Variants in PPP2R5A observed in about 807,000 individuals in gnomAD.
PPP2R5A encodes protein phosphatase 2 regulatory subunit B'alpha, also known as serine/threonine-protein phosphatase 2A 56 kDa regulatory subunit alpha isoform.
A neutral mutation model predicts 64.2 loss-of-function variants in PPP2R5A; 25 were observed. The observed-to-expected ratio is 0.39, with a 90% CI of 0.28 to 0.54. The LOEUF (loss-of-function observed/expected upper bound fraction) is 0.54. Among genes scored for constraint, PPP2R5A ranks in the 20% least tolerant of loss-of-function variants. The probability of loss-of-function intolerance (pLI) is 0.67; values close to 1 mark genes in which losing one functional copy is unlikely to be tolerated. For synonymous variants in PPP2R5A, 198 were observed against 201.2 expected, an observed-to-expected ratio of 0.98 and a Z score of 0.13; for missense variants, 425 against 576.3, an observed-to-expected ratio of 0.74 and a Z score of 2.69.
rs553465566 is a variant in PPP2R5A at position 212,335,993 on chromosome 1, C to T, written c.480+2395C>T. Among the ~76,000 whole-genome samples the T allele has an allele frequency of 5.9e-5, 9 of 152,260 alleles. No homozygotes were observed. The South Asian group carries it at 6.2e-4, about 11-fold the overall frequency. On this transcript the variant is annotated intron_variant, in intron 3 of 12. Transcript: ENST00000261461. ...AACAGTGGAAATTGAGCCAAGTAGA[C>T]AATATGCTTTCCATTTTTAACTGGT...
At chr1:212,338,618 C>T (rs951649649) in intron 3 of PPP2R5A, among the ~76,000 whole-genome samples, 1 of 152,042 alleles carries the variant, frequency 6.6e-6, no homozygotes, top group Non-Finnish European at 1.5e-5. Flanking sequence ...GAAACCCCGT[C>T]TCTACTAAGA....
intron 1 of PPP2R5A, chr1:212,302,203 C>A: frequency 2.0e-6 from 2 of 1,017,940 alleles, no homozygotes; most frequent in Non-Finnish European, 1.4e-6. Flanking sequence ...ACAAGCAAAA[C>A]CACATTACAG....
intron 1 of PPP2R5A, among the ~76,000 whole-genome samples, chr1:212,306,204 T>G (rs1292438972): frequency 6.6e-6 from 1 of 151,954 alleles, no homozygotes; most frequent in African/African-American, 2.4e-5. Context: ...GTGGAGAGAA[T>G]AGGGGAAGGG....
At chr1:212,352,640 T>G (rs1659907548) in intron 8 of PPP2R5A, among the ~76,000 whole-genome samples, 1 of 151,132 alleles carries the variant, frequency 6.6e-6, no homozygotes, top group South Asian at 2.1e-4. Flanking sequence ...TTGGTAAAGA[T>G]GAGATGGGGT....
intron 5 of PPP2R5A, 34 bp downstream of exon 5, chr1:212,345,967 TC>T (rs1355164142): frequency 6.5e-7 from 1 of 1,530,478 alleles, no homozygotes; most frequent in Non-Finnish European, 8.9e-7. Context: ...TTGCACCTTT[TC>T]CTCCTACATA....
chr1:212,329,273 A>T lies in PPP2R5A; in HGVS notation c.320A>T (p.Tyr107Phe), dbSNP rs757843672. 1 of 1,611,284 alleles carries T rather than the reference A, an allele frequency of 6.2e-7. No homozygotes were observed. The highest frequency in any genetic ancestry group is 1.1e-5 in the South Asian group (1 of 90,000). Residue 107 changes from tyrosine (Y) to phenylalanine (F), a missense_variant, in exon 2 of 13, where the codon TAT (tyrosine) becomes TTT (phenylalanine). By Grantham distance (22) the Tyr-to-Phe change is conservative. Coordinates refer to ENST00000261461, the MANE Select transcript of PPP2R5A (RefSeq NM_006243.4). ...GCAACACTGAATGAACTGGTTGAGT[A>T]TGTTTCAACTAATCGTGGTGTAATT... ...KRATLNELVE[Y>F]VSTNRGVIVE...
chr1:212,330,425 T>G (rs1659482855), intron 2 of PPP2R5A, among the ~76,000 whole-genome samples: 1 of 151,586 alleles, frequency 6.6e-6, no homozygotes, highest in Non-Finnish European at 1.5e-5. Context: ...GAGCCTTTAG[T>G]AAAGGCCCAG....
At position 212,356,704 on chromosome 1, in the gene PPP2R5A, A is replaced by G. The variant is rs769263197; in HGVS notation, c.978+28A>G. 4 of 1,602,804 alleles carry G rather than the reference A, an allele frequency of 2.5e-6. No individual in the cohort carries two copies. In the East Asian group the frequency reaches 8.9e-5, roughly 36 times the overall value. ...GGGTTTTGTTCACTAAATGTAGTGC[A>G]TTTTACTAGAACTTGTCAATCCCAG... On this transcript the variant is annotated intron_variant, in intron 9 of 12. Coordinates refer to ENST00000261461, the MANE Select transcript of PPP2R5A (RefSeq NM_006243.4).
chr1:212,342,590 C>T (rs547028710), intron 4 of PPP2R5A, among the ~76,000 whole-genome samples: 4 of 152,268 alleles, frequency 2.6e-5, no homozygotes, highest in African/African-American at 9.6e-5. Context: ...ACCATTCAAT[C>T]CATGGGCAAA....
intron 1 of PPP2R5A, among the ~76,000 whole-genome samples, chr1:212,308,609 A>C (rs1429947527): frequency 6.6e-6 from 1 of 151,982 alleles, no homozygotes; most frequent in Non-Finnish European, 1.5e-5. Context: ...GAGTTTTGCT[A>C]TGCTGGCTAG....
chr1:212,357,921 C>CCTCCTGCCTCAGCCTCCT (rs1660011792), intron 11 of PPP2R5A: 1 of 152,088 alleles, frequency 6.6e-6, no homozygotes, highest in African/African-American at 2.4e-5. Context: ...CTCAGCCTCC[C>CCTCCTGCCTCAGCCTCCT]GAGTAGCTAC....
chr1:212,349,850 T>G (rs570154744), intron 8 of PPP2R5A, among the ~76,000 whole-genome samples: 3 of 152,272 alleles, frequency 2.0e-5, no homozygotes, highest in East Asian at 3.9e-4. Flanking sequence ...TTACTGAGGA[T>G]TCAAGAAAAA....
intron 8 of PPP2R5A, among the ~76,000 whole-genome samples, chr1:212,350,277 C>G (rs893778105): frequency 3.9e-5 from 6 of 152,068 alleles, no homozygotes; most frequent in Non-Finnish European, 7.4e-5. Context: ...ACAGTCTTTT[C>G]TAGAAACAGC....
chr1:212,328,724 T>C (rs1426001948), intron 1 of PPP2R5A, among the ~76,000 whole-genome samples: 1 of 152,034 alleles, frequency 6.6e-6, no homozygotes, highest in African/African-American at 2.4e-5. Context: ...AGATGAGGCA[T>C]GGTGAGAGTC....
intron 1 of PPP2R5A, among the ~76,000 whole-genome samples, chr1:212,322,424 C>G (rs1368198919): frequency 6.6e-6 from 1 of 152,006 alleles, no homozygotes; most frequent in East Asian, 1.9e-4. Context: ...CACAAATGTA[C>G]CAGAGTTGGG....
chr1:212,314,660 C>T (rs551642689), intron 1 of PPP2R5A, among the ~76,000 whole-genome samples: 8 of 150,918 alleles, frequency 5.3e-5, no homozygotes, highest in African/African-American at 2.0e-4. Context: ...CGGGTTCAAG[C>T]GATTATCCTG....
chr1:212,288,379 T>C (rs552915651), intron 1 of PPP2R5A, among the ~76,000 whole-genome samples: 66 of 152,318 alleles, frequency 4.3e-4, no homozygotes, highest in African/African-American at 1.5e-3. Context: ...AGTTATATGA[T>C]GTAGGGTTCA....
In PPP2R5A at chr1:212,354,572, T is replaced by C. The variant is rs528043241; in HGVS notation, c.928-2054T>C. 6.5e-4 allele frequency among the ~76,000 whole-genome samples: 99 copies of C among 152,180 alleles called. 2 individuals carry two copies. In the South Asian group the frequency reaches 0.01, roughly 16 times the overall value. ...GGTGGCATACACCCGTAGTCCCAGC[T>C]ACTTGGGAGGCTGAGGCAGGAGGAT... On this transcript the variant is annotated intron_variant, in intron 8 of 12. Transcript: ENST00000261461.
intron 8 of PPP2R5A, among the ~76,000 whole-genome samples, chr1:212,350,069 T>C (rs1048173889): frequency 6.6e-6 from 1 of 152,212 alleles, no homozygotes; most frequent in Admixed American, 6.5e-5. Flanking sequence ...CTAATAAATA[T>C]TTAGTAAATA....
Sources: gnomAD v4.1 joint callset for allele counts (sites outside exome capture counted in the v4.1 genomes callset) on GRCh38, gnomAD v4.1.1 for gene constraint, MANE v1.5 for transcripts, NCBI Gene and HGNC (gene_info 2026-07-23, HGNC 2026-07-21) for gene names.